NEB: variants seen among roughly 807,000 people sequenced by gnomAD.
NEB encodes the protein nemaline myopathy type 2.
Under a neutral mutation model 952.2 loss-of-function variants are expected in NEB, and 512 were observed. The ratio of observed to expected loss-of-function variants is 0.54; its 90% CI spans 0.50 to 0.58. The LOEUF is 0.58. NEB is among the 20% of genes least tolerant of loss of function. NEB has a pLI of 0.00. For synonymous variants in NEB, 2,900 were observed against 3,149.8 expected, an observed-to-expected ratio of 0.92 and a Z score of 2.66; for missense variants, 8,428 against 9,231.1, an observed-to-expected ratio of 0.91 and a Z score of 3.56.
intron 16 of NEB, among the ~76,000 whole-genome samples, 177 bp downstream of exon 16, chr2:151,696,971 C>G (rs1208189004): frequency 1.3e-5 from 2 of 152,168 alleles, no homozygotes; most frequent in Admixed American, 6.5e-5. Context: ...CTAGAATTAC[C>G]TCTTAAAATG....
In NEB at chr2:151,684,954, C is replaced by A. The variant is rs1553558398; in HGVS notation, c.2659G>T (p.Glu887Ter). The change falls in exon 28 of 182, where the codon GAA (glutamate) becomes TAA (stop). Residue 887 changes from glutamate (E) to a stop codon, truncating the protein, a stop_gained. Transcript: ENST00000397345. LOFTEE classifies it high-confidence loss of function. ...QSDREYRKDY[E>*]KSKTIYTAPL... ...GCCGTGTAGATAGTTTTTGACTTTT[C>A]ATAATCTTTTCGATATTCGCGCTGT... 1.4e-5 allele frequency: 22 copies of A among 1,609,470 alleles called. No homozygotes were observed. The highest frequency in any genetic ancestry group is 1.9e-5 in the Non-Finnish European group (22 of 1,177,766).
At chr2:151,550,947 A>AACTATT (rs2095284646) in intron 129 of NEB, among the ~76,000 whole-genome samples, 1 of 138,892 alleles carries the variant, frequency 7.2e-6, no homozygotes, top group Non-Finnish European at 1.5e-5. Flanking sequence ...GCCTGGCCAA[A>AACTATT]ATTATTATTA....
chr2:151,655,471 T>C, intron 50 of NEB, 97 bp from the exon 51 acceptor site: 3 of 604,792 alleles, frequency 5.0e-6, no homozygotes, highest in East Asian at 2.9e-5. Context: ...TGCACTCAAT[T>C]TGATGTAGTA....
At chr2:151,568,029 G>A (rs2096486200) in intron 113 of NEB, 42 bp downstream of exon 113, 1 of 1,468,594 alleles carries the variant, frequency 6.8e-7, no homozygotes, top group Non-Finnish European at 9.5e-7. Context: ...CTGGGAGCAA[G>A]GTCCCACTTT....
chr2:151,661,732 TTGGAC>T (rs752771727), intron 46 of NEB, among the ~76,000 whole-genome samples: 2 of 152,296 alleles, frequency 1.3e-5, no homozygotes, highest in East Asian at 3.9e-4. Flanking sequence ...GCATGTAATC[TTGGAC>T]TTTTCTTTGA....
chr2:151,497,772 T>A (rs1227431582), intron 170 of NEB, 54 bp from the exon 171 acceptor site: 1 of 1,547,812 alleles, frequency 6.5e-7, no homozygotes, highest in African/African-American at 1.4e-5. Context: ...TTTCATTTCT[T>A]GGGACTTTTT....
At chr2:151,553,587 C>T in intron 126 of NEB, 85 bp from the exon 127 acceptor site, 1 of 1,035,638 alleles carries the variant, frequency 9.7e-7, no homozygotes, top group Admixed American at 2.3e-5. Context: ...ATTCTAGACT[C>T]AGAAGGCTTT....
In NEB at chr2:151,636,176, A is replaced by C. The variant is rs1232398371; in HGVS notation, c.9102+51T>G. 6 of 1,454,512 alleles carry C rather than the reference A, an allele frequency of 4.1e-6. No homozygotes were observed. The East Asian group carries it at 1.1e-4, about 28-fold the overall frequency. The allele number at this position is 1,454,512 out of a possible 1,614,324, so 90.1% of individuals were successfully genotyped here. A position where few individuals can be genotyped will look rare whatever the true frequency, so the allele number is the denominator to read the frequency against. Reference sequence around the variant, plus strand: ...TTCTTTTCTAAGATTTAGTTCAGTGAAAATGCCACATTAGATTGATCACAT... The same window carrying C: ...TTCTTTTCTAAGATTTAGTTCAGTGCAAATGCCACATTAGATTGATCACAT... On this transcript the variant is annotated intron_variant, in intron 64 of 181. Transcript: ENST00000397345.
chr2:151,489,959 T>G lies in NEB; in HGVS notation c.25404+12A>C. The G allele has an allele frequency of 1.3e-6, 2 of 1,528,810 alleles. No individual in the cohort carries two copies. Among genetic ancestry groups the G allele is most frequent in the South Asian group, 2.2e-5 (2 of 89,284 alleles). The allele number at this position is 1,528,810 out of a possible 1,614,324, so 94.7% of individuals were successfully genotyped here. ...AAGAATAATTTATTTAAGTGAGTTG[T>G]TATTCACTTACTCCAGCAGTAGATG... is the stretch of plus-strand genomic sequence containing the variant. On this transcript the variant is annotated intron_variant, in intron 181 of 181. Transcript: ENST00000397345.
At chr2:151,490,556 G>T (rs1242718486) in intron 179 of NEB, 38 bp from the exon 180 acceptor site, 1 of 1,597,158 alleles carries the variant, frequency 6.3e-7, no homozygotes, top group Non-Finnish European at 8.5e-7. Context: ...TAGCAAACAT[G>T]AAATTTCTAT....
rs765272747 is a variant in NEB at position 151,503,337 on chromosome 2, A to G, written c.23835+12T>C. 1 of 1,569,272 alleles carries G rather than the reference A, an allele frequency of 6.4e-7. No individual in the cohort carries two copies. The highest frequency in any genetic ancestry group is 1.7e-5 in the Admixed American group (1 of 59,442). ...TGGGAAATAGTTTCTTATATGATAT[A>G]TTTGTAAATACCGAGCTAAAGTTCT... On this transcript the variant is annotated intron_variant, in intron 166 of 181. Transcript: ENST00000397345.
chr2:151,723,491 A>C lies in NEB; in HGVS notation c.613-5T>G. ...CCAGTCTTCAGTGTACAGTTTCTAA[A>C]TCAAAAAAGAGTGAAAAGTTAGGAG... On this transcript the variant is annotated splice_region_variant and splice_polypyrimidine_tract_variant and intron_variant, in intron 8 of 181. Transcript: ENST00000397345. 1 of 1,591,318 alleles carries C rather than the reference A, an allele frequency of 6.3e-7. No homozygotes were observed.
In NEB at chr2:151,485,912, C is replaced by G; in HGVS notation, c.25426G>C (p.Asp8476His). The G allele has an allele frequency of 6.2e-7, 1 of 1,613,822 alleles. No homozygotes were observed. Among genetic ancestry groups the G allele is most frequent in the Non-Finnish European group, 8.5e-7 (1 of 1,179,800 alleles). Residue 8476 changes from aspartate to histidine, a missense_variant, in exon 182 of 182, where the codon GAC (aspartate) becomes CAC (histidine). Asp to His is a moderately conservative substitution (Grantham distance 81, BLOSUM62 -1). Transcript: ENST00000397345. ...TCATCTGCATCAGCAGCCATATAGT[C>G]ATACATGGCACGGAAGATTTTCTAT... ...TAGKIFRAMY[D>H]YMAADADEVS... is the part of the protein sequence containing the mutation.
intron 24 of NEB, chr2:151,690,455 T>C: frequency 6.3e-6 from 2 of 319,682 alleles, no homozygotes; most frequent in Non-Finnish European, 1.2e-5. Context: ...AGTTTTAGTG[T>C]GCATGTGACA....
intron 113 of NEB, 85 bp downstream of exon 113, chr2:151,567,986 G>A (rs2096483256): frequency 2.0e-6 from 2 of 996,698 alleles, no homozygotes; most frequent in Non-Finnish European, 3.1e-6. Flanking sequence ...CACCTGGAAG[G>A]TGCTATCTCT....
chr2:151,688,912 T>G (rs2099523869), intron 24 of NEB, among the ~76,000 whole-genome samples: 1 of 152,194 alleles, frequency 6.6e-6, no homozygotes, highest in Non-Finnish European at 1.5e-5. Context: ...TTAAGACTTA[T>G]GAATTGTTTG....
intron 129 of NEB, among the ~76,000 whole-genome samples, chr2:151,550,010 G>A (rs1271081655): frequency 2.0e-5 from 3 of 152,124 alleles, no homozygotes; most frequent in African/African-American, 7.2e-5. Context: ...GCTGACATCT[G>A]TAATCTCAAC....
chr2:151,695,460 T>C, intron 18 of NEB, 118 bp downstream of exon 18: 1 of 743,846 alleles, frequency 1.3e-6, no homozygotes, highest in South Asian at 1.7e-5. Flanking sequence ...ATGATACAAA[T>C]GTTAACAGTT....
chr2:151,730,854 T>C (rs1379392224), intron 3 of NEB, among the ~76,000 whole-genome samples: 1 of 152,170 alleles, frequency 6.6e-6, no homozygotes, highest in East Asian at 1.9e-4. Context: ...TTCCTCATTC[T>C]TGTGCTTTCT....
Sources: gnomAD v4.1 joint callset for allele counts (sites outside exome capture counted in the v4.1 genomes callset) on GRCh38, gnomAD v4.1.1 for gene constraint, MANE v1.5 for transcripts, NCBI Gene and HGNC (gene_info 2026-07-23, HGNC 2026-07-21) for gene names.